Variants in SDHD observed in about 807,000 individuals in gnomAD.
SDHD encodes the protein succinate dehydrogenase complex subunit D.
Under a neutral mutation model 18.7 loss-of-function variants are expected in SDHD, and 6 were observed. That is an observed-to-expected ratio of 0.32 (90% CI 0.18 to 0.63). SDHD has a LOEUF of 0.63. Ranked by LOEUF, SDHD falls within the 30% of genes least tolerant of loss-of-function variation. The pLI, the probability that SDHD is intolerant of heterozygous loss-of-function variation, is 0.79. For synonymous variants in SDHD, 56 were observed against 73.9 expected (o/e 0.76, Z 1.24); for missense variants, 160 against 192.7 (o/e 0.83, Z 1.00).
chr11:112,087,032 T>A, intron 1 of SDHD, 73 bp downstream of exon 1: 1 of 1,540,004 alleles, frequency 6.5e-7, no homozygotes, highest in South Asian at 1.1e-5. Flanking sequence ...TGAGGACTCA[T>A]CTGCCGGGTG....
chr11:112,093,932 C>T (rs185377373), intron 3 of SDHD, among the ~76,000 whole-genome samples: 140 of 152,310 alleles, frequency 9.2e-4, no homozygotes, highest in Admixed American at 2.5e-3. Context: ...ACTTACTATA[C>T]TCCCAACATT....
intron 3 of SDHD, among the ~76,000 whole-genome samples, chr11:112,089,448 T>C (rs889700448): frequency 5.9e-5 from 9 of 152,214 alleles, no homozygotes; most frequent in African/African-American, 2.2e-4. Flanking sequence ...AAATGTTAAT[T>C]AGAATAAGAC....
Position 112,087,749 on chromosome 11 carries a change from T to A in SDHD, c.53-108T>A, listed in dbSNP as rs1024056478. 3 of 784,356 alleles carry A rather than the reference T, an allele frequency of 3.8e-6. No homozygotes were observed. The African/African-American group carries it at 5.1e-5, about 13-fold the overall frequency. 48.6% of individuals were successfully genotyped at this position (784,356 alleles called of 1,614,324 possible). ...TGCTATCTTCATTTTACAAATAAGA[T>A]GTTATCCCCTATTTATTGTTAAGTA... On this transcript the variant is annotated intron_variant, in intron 1 of 3. Coordinates refer to ENST00000375549, the MANE Select transcript of SDHD (RefSeq NM_003002.4).
intron 2 of SDHD, chr11:112,088,208 C>CTT: frequency 1.9e-6 from 1 of 524,858 alleles, no homozygotes; most frequent in Non-Finnish European, 3.4e-6. Context: ...CTTTTGTTTT[C>CTT]TTTTTTTTTG....
At chr11:112,090,386 C>T (rs1240965965) in intron 3 of SDHD, among the ~76,000 whole-genome samples, 1 of 152,184 alleles carries the variant, frequency 6.6e-6, no homozygotes, top group Non-Finnish European at 1.5e-5. Context: ...GCTGGGATTA[C>T]AGGCGTGAGC....
At chr11:112,092,242 TTAAAG>T (rs964601237) in intron 3 of SDHD, among the ~76,000 whole-genome samples, 18 of 150,486 alleles carry the variant, frequency 1.2e-4, no homozygotes, top group Middle Eastern at 3.4e-3. Context: ...ATCCCAGAAC[TTAAAG>T]TAAAAGAAGA....
At chr11:112,089,489 T>C (rs536853512) in intron 3 of SDHD, among the ~76,000 whole-genome samples, 1 of 152,370 alleles carries the variant, frequency 6.6e-6, no homozygotes, top group Non-Finnish European at 1.5e-5. Flanking sequence ...ATTTTGTCTC[T>C]TCATGTTACT....
chr11:112,095,499 C>T lies in SDHD; in HGVS notation c.*529C>T, dbSNP rs1865826047. 4.2e-6 allele frequency: 1 copy of T among 235,578 alleles called. No homozygotes were observed. The highest frequency in any genetic ancestry group is 8.4e-6 in the Non-Finnish European group (1 of 119,422). The allele number at this position is 235,578 out of a possible 1,614,324, so 14.6% of individuals were successfully genotyped here. A position where few individuals can be genotyped will look rare whatever the true frequency, so the allele number is the denominator to read the frequency against. On this transcript the variant is annotated 3_prime_UTR_variant, in exon 4 of 4. Coordinates refer to ENST00000375549, the MANE Select transcript of SDHD (RefSeq NM_003002.4). ...TTAAAATTAGGAAATGCTGATAGCT[C>T]ATATTATAAATTTCTAAATCCTAGG... is the stretch of plus-strand genomic sequence containing the variant.
chr11:112,090,448 C>T (rs1376398067), intron 3 of SDHD, among the ~76,000 whole-genome samples: 1 of 152,044 alleles, frequency 6.6e-6, no homozygotes, highest in African/African-American at 2.4e-5. Flanking sequence ...GTTTGTATGA[C>T]TTTCTACGTA....
chr11:112,092,901 A>G (rs562937374), intron 3 of SDHD, among the ~76,000 whole-genome samples: 21 of 152,218 alleles, frequency 1.4e-4, no homozygotes, highest in African/African-American at 4.3e-4. Flanking sequence ...TAAACAAAAT[A>G]TGGTGTATTC....
intron 2 of SDHD, chr11:112,088,247 TG>T: frequency 2.3e-6 from 1 of 427,462 alleles, no homozygotes; most frequent in Non-Finnish European, 4.4e-6. Flanking sequence ...TTATGCAGGC[TG>T]GAGTGCAGTG....
At chr11:112,094,531 T>C (rs1416379071) in intron 3 of SDHD, among the ~76,000 whole-genome samples, 2 of 152,190 alleles carry the variant, frequency 1.3e-5, no homozygotes, top group Non-Finnish European at 1.5e-5. Context: ...AGTTCGAGGC[T>C]GTAGTGAGCT....
chr11:112,094,262 G>A (rs996295129), intron 3 of SDHD, among the ~76,000 whole-genome samples: 1 of 152,126 alleles, frequency 6.6e-6, no homozygotes, highest in Admixed American at 6.6e-5. Flanking sequence ...GCTGGGTGTG[G>A]TGGTGGGCGC....
chr11:112,089,891 A>G (rs1592781548), intron 3 of SDHD, among the ~76,000 whole-genome samples: 2 of 151,730 alleles, frequency 1.3e-5, no homozygotes, highest in South Asian at 2.1e-4. Flanking sequence ...GCTTCCTTGC[A>G]TTTTATCACC....
chr11:112,094,093 C>T (rs1592785573), intron 3 of SDHD, among the ~76,000 whole-genome samples: 2 of 151,656 alleles, frequency 1.3e-5, no homozygotes, highest in South Asian at 2.1e-4. Context: ...ATGGTGAGAC[C>T]GCATCTTTAA....
chr11:112,087,757 C>A, intron 1 of SDHD, 100 bp from the exon 2 acceptor site: 1 of 796,030 alleles, frequency 1.3e-6, no homozygotes. Flanking sequence ...GATGTTATCC[C>A]CTATTTATTG....
intron 3 of SDHD, among the ~76,000 whole-genome samples, 193 bp downstream of exon 3, chr11:112,089,204 C>T (rs1228265569): frequency 6.6e-6 from 1 of 152,116 alleles, no homozygotes; most frequent in Non-Finnish European, 1.5e-5. Flanking sequence ...ATTCGATTTC[C>T]GTATCTAATA....
chr11:112,090,569 G>A (rs991622000), intron 3 of SDHD, among the ~76,000 whole-genome samples: 4 of 152,078 alleles, frequency 2.6e-5, no homozygotes, highest in Admixed American at 6.5e-5. Flanking sequence ...AGCCACTTTC[G>A]GATTGTTGAA....
At position 112,095,024 on chromosome 11, in the gene SDHD, T is replaced by G. The variant is rs1313761593; in HGVS notation, c.*54T>G. ...GATGTATGCCTCTTTGCCTCTGCTTTGTCATGCCATTAAGCTCACAATAAG... is the reference window on the plus strand; with the variant it reads ...GATGTATGCCTCTTTGCCTCTGCTTGGTCATGCCATTAAGCTCACAATAAG... On this transcript the variant is annotated 3_prime_UTR_variant, in exon 4 of 4. Transcript: ENST00000375549. 1 of 1,446,638 alleles carries G rather than the reference T, an allele frequency of 6.9e-7. No individual in the cohort carries two copies. Among genetic ancestry groups the G allele is most frequent in the Non-Finnish European group, 9.7e-7 (1 of 1,030,522 alleles). The allele number at this position is 1,446,638 out of a possible 1,614,324, so 89.6% of individuals were successfully genotyped here.
Sources: gnomAD v4.1 joint callset for allele counts (sites outside exome capture counted in the v4.1 genomes callset) on GRCh38, gnomAD v4.1.1 for gene constraint, MANE v1.5 for transcripts, NCBI Gene and HGNC (gene_info 2026-07-23, HGNC 2026-07-21) for gene names.